The following STX8 variants were observed in gnomAD, a reference collection of about 807,000 sequenced individuals.
STX8 encodes syntaxin-8.
In STX8, 23 loss-of-function variants were observed where a neutral mutation model predicts 37.5. The ratio of observed to expected loss-of-function variants is 0.61; its 90% CI spans 0.44 to 0.87. The LOEUF is 0.87. STX8 is among the 40% of genes least tolerant of loss of function. The pLI is 0.00. For synonymous variants in STX8, 115 were observed against 99.1 expected (o/e 1.16, Z -0.95); for missense variants, 313 against 284.7 (o/e 1.10, Z -0.71).
At chr17:9,557,652 C>T (rs901095627) in intron 2 of STX8, 124 bp from the exon 3 acceptor site, 38 of 781,350 alleles carry the variant, frequency 4.9e-5, no homozygotes, top group Middle Eastern at 3.0e-4. Flanking sequence ...GAGATAGATA[C>T]TCAGCCCCTC....
At chr17:9,362,593 C>T (rs928640377) in intron 7 of STX8, among the ~76,000 whole-genome samples, 3 of 151,778 alleles carry the variant, frequency 2.0e-5, no homozygotes, top group Non-Finnish European at 4.4e-5. Flanking sequence ...CCGAGGTGGG[C>T]GTATCACGAG....
At chr17:9,315,293 CA>C (rs60423823) in intron 7 of STX8, among the ~76,000 whole-genome samples, 2,487 of 128,652 alleles carry the variant, frequency 0.019, 61 homozygotes, top group African/African-American at 0.084. Flanking sequence ...ACAAAAACAA[CA>C]AAAAAAAAAA....
chr17:9,287,950 A>G (rs915021923), intron 7 of STX8, among the ~76,000 whole-genome samples: 2 of 151,738 alleles, frequency 1.3e-5, no homozygotes, highest in African/African-American at 4.8e-5. Flanking sequence ...GGGTTTCACC[A>G]TGTTGGCCAG....
intron 3 of STX8, among the ~76,000 whole-genome samples, chr17:9,545,589 A>C (rs1420934125): frequency 6.6e-6 from 1 of 152,022 alleles, no homozygotes; most frequent in East Asian, 1.9e-4. Context: ...AAACTTATTT[A>C]CTTATTTTTG....
intron 3 of STX8, among the ~76,000 whole-genome samples, chr17:9,548,863 A>G (rs1399473704): frequency 1.3e-5 from 2 of 152,222 alleles, no homozygotes; most frequent in Non-Finnish European, 2.9e-5. Flanking sequence ...ATATACACAC[A>G]GAAAATTTCT....
At chr17:9,536,159 T>G (rs1470555228) in intron 4 of STX8, among the ~76,000 whole-genome samples, 1 of 152,190 alleles carries the variant, frequency 6.6e-6, no homozygotes, top group Non-Finnish European at 1.5e-5. Flanking sequence ...GTTCAATGCT[T>G]TGCAGATTTC....
chr17:9,435,275 T>C (rs1904390443), intron 6 of STX8, among the ~76,000 whole-genome samples: 1 of 152,144 alleles, frequency 6.6e-6, no homozygotes, highest in Non-Finnish European at 1.5e-5. Flanking sequence ...AATATGGATC[T>C]AGGAATGTAG....
intron 2 of STX8, among the ~76,000 whole-genome samples, chr17:9,560,926 C>G (rs904421304): frequency 3.9e-5 from 6 of 152,016 alleles, no homozygotes; most frequent in Admixed American, 1.3e-4. Context: ...TGCAACATAA[C>G]AAATGGCCCA....
intron 6 of STX8, among the ~76,000 whole-genome samples, chr17:9,402,793 T>G (rs548124518): frequency 6.6e-6 from 1 of 152,252 alleles, no homozygotes; most frequent in Admixed American, 6.5e-5. Context: ...CAGAGGGCGA[T>G]AGAGGGAAAA....
At chr17:9,523,454 T>C (rs1905444141) in intron 4 of STX8, among the ~76,000 whole-genome samples, 1 of 152,054 alleles carries the variant, frequency 6.6e-6, no homozygotes. Flanking sequence ...ACAGAACTTA[T>C]ATAATATGAG....
chr17:9,295,516 G>A (rs112104289), intron 7 of STX8, among the ~76,000 whole-genome samples: 10 of 152,242 alleles, frequency 6.6e-5, no homozygotes, highest in South Asian at 2.1e-4. Context: ...GAGCTGAGGC[G>A]GGCAAATCAC....
At chr17:9,285,904 A>C (rs1908055784) in intron 7 of STX8, among the ~76,000 whole-genome samples, 1 of 152,230 alleles carries the variant, frequency 6.6e-6, no homozygotes, top group Non-Finnish European at 1.5e-5. Context: ...TTCAAAAGTG[A>C]CTAATTTACT....
At chr17:9,353,681 T>C (rs1278268523) in intron 7 of STX8, among the ~76,000 whole-genome samples, 2 of 152,216 alleles carry the variant, frequency 1.3e-5, no homozygotes, top group Non-Finnish European at 2.9e-5. Flanking sequence ...CTTAGTAGAA[T>C]TCAAGATTTC....
intron 6 of STX8, among the ~76,000 whole-genome samples, chr17:9,425,362 T>C (rs1447395802): frequency 1.3e-5 from 2 of 152,206 alleles, no homozygotes; most frequent in African/African-American, 2.4e-5. Flanking sequence ...TTCATTTTAA[T>C]CATATAATAC....
chr17:9,467,242 G>T (rs2142430871), intron 6 of STX8: 1 of 152,252 alleles, frequency 6.6e-6, no homozygotes, highest in Non-Finnish European at 1.5e-5. Flanking sequence ...TGTGAGGTGG[G>T]TTCTTATTTT....
chr17:9,491,142 T>C (rs1906835998), intron 6 of STX8, among the ~76,000 whole-genome samples: 2 of 152,152 alleles, frequency 1.3e-5, no homozygotes, highest in Non-Finnish European at 2.9e-5. Context: ...CGCCGGCATC[T>C]CTAATTAGAC....
chr17:9,497,975 C>A (rs1049160960), intron 5 of STX8, among the ~76,000 whole-genome samples: 1 of 152,164 alleles, frequency 6.6e-6, no homozygotes, highest in Non-Finnish European at 1.5e-5. Context: ...TGAGTTTACA[C>A]AGTCAAAAAA....
chr17:9,304,924 A>AT (rs1555592974), intron 7 of STX8, among the ~76,000 whole-genome samples: 4 of 135,006 alleles, frequency 3.0e-5, no homozygotes, highest in African/African-American at 1.3e-4. Context: ...CGAAAAAAAA[A>AT]ATATGTATAT....
intron 4 of STX8, among the ~76,000 whole-genome samples, chr17:9,511,303 C>A (rs1027981383): frequency 1.4e-4 from 21 of 152,110 alleles, no homozygotes; most frequent in Non-Finnish European, 2.9e-4. Context: ...AAGAATACAA[C>A]AGAAAAAGAA....
Sources: gnomAD v4.1 joint callset for allele counts (sites outside exome capture counted in the v4.1 genomes callset) on GRCh38, gnomAD v4.1.1 for gene constraint, MANE v1.5 for transcripts, NCBI Gene and HGNC (gene_info 2026-07-23, HGNC 2026-07-21) for gene names.